DCAF4: variants seen among roughly 807,000 people sequenced by gnomAD.
DCAF4 encodes DDB1 and CUL4 associated factor 4.
Under a neutral mutation model 60.9 loss-of-function variants are expected in DCAF4, and 37 were observed. That is an observed-to-expected ratio of 0.61 (90% CI 0.47 to 0.80). The LOEUF (loss-of-function observed/expected upper bound fraction) is 0.80. Ranked by LOEUF, DCAF4 falls within the 30% of genes least tolerant of loss-of-function variation. DCAF4 has a pLI of 0.00. For missense variants in DCAF4, 577 were observed against 650.0 expected, an observed-to-expected ratio of 0.89 and a Z score of 1.22; for synonymous variants, 243 against 254.8, an observed-to-expected ratio of 0.95 and a Z score of 0.44.
At chr14:72,959,834 T>C, downstream of DCAF4, 1 of 222,604 alleles carries the variant, frequency 4.5e-6, no homozygotes, top group Non-Finnish European at 7.6e-6. Context: ...TAGGTCAGGG[T>C]TCCCTGGCTC....
At chr14:72,945,404 AT>A (rs1338954109) in intron 6 of DCAF4, among the ~76,000 whole-genome samples, 2 of 151,852 alleles carry the variant, frequency 1.3e-5, no homozygotes, top group Non-Finnish European at 2.9e-5. Flanking sequence ...TTAAAAAAAA[AT>A]AGCCTACATT....
chr14:72,956,734 C>T (rs748933426), intron 13 of DCAF4: 27 of 442,494 alleles, frequency 6.1e-5, no homozygotes, highest in Admixed American at 1.1e-4. Flanking sequence ...AGTGGGCAAA[C>T]GTCACTTCAG....
chr14:72,958,559 G>A (rs961702104), intron 13 of DCAF4, 53 bp from the exon 14 acceptor site: 1 of 1,608,704 alleles, frequency 6.2e-7, no homozygotes, highest in East Asian at 2.2e-5. Context: ...ATGTAGGTAA[G>A]TTTTCCTTTG....
At chr14:72,958,339 C>T (rs1892557608) in intron 13 of DCAF4, among the ~76,000 whole-genome samples, 1 of 152,166 alleles carries the variant, frequency 6.6e-6, no homozygotes, top group African/African-American at 2.4e-5. Flanking sequence ...CTTGAACGTT[C>T]CGTGACATCA....
chr14:72,960,672 C>T, downstream of DCAF4: 3 of 1,065,288 alleles, frequency 2.8e-6, no homozygotes, highest in Non-Finnish European at 3.5e-6. Context: ...GACAGAGATA[C>T]CTCAACAGGA....
chr14:72,959,195 G>A lies in DCAF4; in HGVS notation c.*390G>A. Reference sequence around the variant, plus strand: ...GTGATGAGACGGTGAGATGGTTTGAGTCCTCGGTGCCTGGGTAGCAGGAAG... The same window carrying A: ...GTGATGAGACGGTGAGATGGTTTGAATCCTCGGTGCCTGGGTAGCAGGAAG... On this transcript the variant is annotated 3_prime_UTR_variant, in exon 14 of 14. Transcript: ENST00000358377. The A allele has an allele frequency of 1.0e-6, 1 of 993,972 alleles. No individual in the cohort carries two copies. 61.6% of individuals were successfully genotyped at this position (993,972 alleles called of 1,614,324 possible).
Position 72,938,207 on chromosome 14 carries a change from G to T in DCAF4, c.92+137G>T, listed in dbSNP as rs1233636230. On this transcript the variant is annotated intron_variant, in intron 2 of 13. Transcript: ENST00000358377. The stretch of plus-strand genomic sequence containing the variant: ...CAGGTTCTGATTCTGTAGGTCTGAG[G>T]GGTCTTGAGGAGAGCCTGCCTTCCT... The T allele has an allele frequency of 5.6e-6, 7 of 1,252,444 alleles. No individual in the cohort carries two copies. In the African/African-American group the frequency reaches 1.1e-4, roughly 19 times the overall value. 77.6% of individuals were successfully genotyped at this position (1,252,444 alleles called of 1,614,324 possible). A position where few individuals can be genotyped will look rare whatever the true frequency, so the allele number is the denominator to read the frequency against.
Position 72,954,217 on chromosome 14 carries a change from T to G in DCAF4, c.862T>G (p.Cys288Gly), listed in dbSNP as rs139579806. The change falls in exon 10 of 14, where the codon TGT becomes GGT. Residue 288 changes from cysteine (C) to glycine (G), a missense_variant. By Grantham distance (159) the Cys-to-Gly change is radical. Coordinates refer to ENST00000358377, the MANE Select transcript of DCAF4 (RefSeq NM_015604.4). ...TTTCCGGATCCCTGGTGCCTGGTCC[T>G]GTGCCTGGTCCCTGAATATCCAAGC... The part of the protein sequence containing the change: ...CSFRIPGAWS[C>G]AWSLNIQANN... 22 of 1,614,084 alleles carry G rather than the reference T, an allele frequency of 1.4e-5. No individual in the cohort carries two copies. The highest frequency in any genetic ancestry group is 3.3e-5 in the Admixed American group (2 of 60,010).
intron 13 of DCAF4, chr14:72,957,824 G>A (rs1434687050): frequency 6.6e-6 from 1 of 152,280 alleles, no homozygotes; most frequent in African/African-American, 2.4e-5. Context: ...GTCTCCAGTA[G>A]TGTATATCAT....
chr14:72,947,839 A>G (rs116162901), intron 8 of DCAF4, among the ~76,000 whole-genome samples: 68 of 152,282 alleles, frequency 4.5e-4, no homozygotes, highest in African/African-American at 1.6e-3. Flanking sequence ...CCGGAGAGCA[A>G]GCAGAGCCAC....
chr14:72,939,855 A>C lies in DCAF4; in HGVS notation c.146A>C (p.Glu49Ala), dbSNP rs370917826. Residue 49 changes from glutamate to alanine, a missense_variant, in exon 3 of 14, where the codon GAG (glutamate) becomes GCG (alanine). By Grantham distance (107) the Glu-to-Ala change is moderately radical (BLOSUM62 -1). Transcript: ENST00000358377. ...PAHDSGHGDD[E>A]SPSTSSGTAG... is the part of the protein sequence containing the mutation. Reference sequence around the variant, plus strand: ...CACGATTCCGGCCACGGTGATGACGAGTCTCCGTCAACCTCGTCTGGCACA... The same window carrying C: ...CACGATTCCGGCCACGGTGATGACGCGTCTCCGTCAACCTCGTCTGGCACA... The C allele has an allele frequency of 1.6e-4, 263 of 1,612,862 alleles. 3 individuals carry two copies. The South Asian group carries it at 2.8e-3, about 17-fold the overall frequency.
chr14:72,940,540 G>C, intron 4 of DCAF4, 163 bp downstream of exon 4: 3 of 567,994 alleles, frequency 5.3e-6, no homozygotes, highest in Non-Finnish European at 2.8e-6. Flanking sequence ...ACAAGAATAA[G>C]AACAGCCAAG....
Position 72,959,286 on chromosome 14 carries a change from A to G in DCAF4, c.*481A>G. 2 of 985,894 alleles carry G rather than the reference A, an allele frequency of 2.0e-6. No individual in the cohort carries two copies. The highest frequency in any genetic ancestry group is 2.4e-6 in the Non-Finnish European group (2 of 830,304). The allele number at this position is 985,894 out of a possible 1,614,324, so 61.1% of individuals were successfully genotyped here. A position where few individuals can be genotyped will look rare whatever the true frequency, so the allele number is the denominator to read the frequency against. ...GAGAGGACGGGGAGGTTACTTCTCT[A>G]AGTTTCTGCAGAAATATTGAAGGCT... On this transcript the variant is annotated 3_prime_UTR_variant, in exon 14 of 14. Coordinates refer to ENST00000358377, the MANE Select transcript of DCAF4 (RefSeq NM_015604.4).
Position 72,953,732 on chromosome 14 carries a change from AATATAT to A in DCAF4, c.809-406_809-401del, listed in dbSNP as rs71109769. Among the ~76,000 whole-genome samples the A allele has an allele frequency of 4.0e-3, 88 of 21,764 alleles. 14 individuals are homozygous for A. In the South Asian group the frequency reaches 0.082, roughly 20 times the overall value. The allele number at this position is 21,764 out of a possible 152,430, so 14.3% of individuals were successfully genotyped here. ...CTTAAAAAAAAAAAAAAAAAAAAAA[AATATAT>A]ATATATATATATATATATATATATA... is the stretch of plus-strand genomic sequence containing the variant. On this transcript the variant is annotated intron_variant, in intron 9 of 13. Transcript: ENST00000358377.
chr14:72,930,324 A>AG (rs749040132), intron 1 of DCAF4, among the ~76,000 whole-genome samples: 25 of 150,910 alleles, frequency 1.7e-4, no homozygotes, highest in Non-Finnish European at 3.1e-4. Flanking sequence ...GCTGCAATGC[A>AG]GTGGCACCAT....
chr14:72,928,187 C>CTGTTTTTTTTTTTT (rs1887906276), intron 1 of DCAF4, among the ~76,000 whole-genome samples: 1 of 67,256 alleles, frequency 1.5e-5, no homozygotes, highest in East Asian at 5.2e-4. Context: ...AATCCCCCCA[C>CTGTTTTTTTTTTTT]TTTTTTTTTT....
downstream of DCAF4, chr14:72,959,801 G>A: frequency 2.6e-6 from 1 of 383,318 alleles, no homozygotes; most frequent in Non-Finnish European, 3.6e-6. Flanking sequence ...CTCTGTGCAT[G>A]CCCAAAAGAC....
rs1892696244 is a variant in DCAF4 at position 72,959,459 on chromosome 14, G to A, written c.*654G>A. 1.0e-6 allele frequency: 1 copy of A among 985,500 alleles called. No homozygotes were observed. The highest frequency in any genetic ancestry group is 1.7e-5 in the African/African-American group (1 of 57,338). 61.0% of individuals were successfully genotyped at this position (985,500 alleles called of 1,614,324 possible). ...CGGTCCTTAACATGCCTTTGTTCAA[G>A]CACCTTCCAGAATGTAAGGTTCAGC... On this transcript the variant is annotated 3_prime_UTR_variant, in exon 14 of 14. Coordinates refer to ENST00000358377, the MANE Select transcript of DCAF4 (RefSeq NM_015604.4).
At position 72,931,988 on chromosome 14, in the gene DCAF4, C is replaced by T. The variant is rs75033229; in HGVS notation, c.-9+5445C>T. Among the ~76,000 whole-genome samples, 276 of 116,950 alleles carry T rather than the reference C, an allele frequency of 2.4e-3. 5 individuals are homozygous for T. Among genetic ancestry groups the T allele is most frequent in the South Asian group, 0.017 (56 of 3,348 alleles). The allele number at this position is 116,950 out of a possible 152,430, so 76.7% of individuals were successfully genotyped here. A position where few individuals can be genotyped will look rare whatever the true frequency, so the allele number is the denominator to read the frequency against. On this transcript the variant is annotated intron_variant, in intron 1 of 13. Transcript: ENST00000358377. ...CCCATACTGACCTATATTTTTCCTT[C>T]TTTTTTTTTTTTTTTTGAGAGATGG... is the stretch of plus-strand genomic sequence containing the variant.
Sources: gnomAD v4.1 joint callset for allele counts (sites outside exome capture counted in the v4.1 genomes callset) on GRCh38, gnomAD v4.1.1 for gene constraint, MANE v1.5 for transcripts, NCBI Gene and HGNC (gene_info 2026-07-23, HGNC 2026-07-21) for gene names.